ADAM12: variants seen among roughly 807,000 people sequenced by gnomAD.
ADAM12 encodes the protein ADAM metallopeptidase domain 12, also known as disintegrin and metalloproteinase domain-containing protein 12.
A neutral mutation model predicts 106.4 loss-of-function variants in ADAM12; 70 were observed. The observed-to-expected ratio is 0.66, with a 90% CI of 0.54 to 0.80. The LOEUF (loss-of-function observed/expected upper bound fraction) is 0.80. Ranked by LOEUF, ADAM12 falls within the 30% of genes least tolerant of loss-of-function variation. The pLI is 0.00. For synonymous variants in ADAM12, 420 were observed against 433.5 expected (o/e 0.97, Z 0.39); for missense variants, 1,010 against 1,171.9 (o/e 0.86, Z 2.02).
At chr10:126,044,202 A>G (rs1954254020) in intron 17 of ADAM12, among the ~76,000 whole-genome samples, 1 of 152,118 alleles carries the variant, frequency 6.6e-6, no homozygotes, top group Non-Finnish European at 1.5e-5. Context: ...GTGGGAGGCC[A>G]AGGTGGGCAG....
intron 3 of ADAM12, among the ~76,000 whole-genome samples, chr10:126,198,910 A>G (rs1957647262): frequency 6.6e-6 from 1 of 152,196 alleles, no homozygotes; most frequent in African/African-American, 2.4e-5. Flanking sequence ...AGGGGAAGAA[A>G]TGACTTTTCC....
chr10:126,059,541 G>T (rs147281033), intron 14 of ADAM12, among the ~76,000 whole-genome samples: 1 of 152,084 alleles, frequency 6.6e-6, no homozygotes, highest in Non-Finnish European at 1.5e-5. Flanking sequence ...TTTCCCATCT[G>T]TGGCCACAGG....
chr10:126,291,335 G>A (rs1462982659), intron 2 of ADAM12, among the ~76,000 whole-genome samples: 2 of 152,112 alleles, frequency 1.3e-5, no homozygotes, highest in Non-Finnish European at 2.9e-5. Flanking sequence ...AATATACTAA[G>A]CCCTTTAAAG....
intron 1 of ADAM12, among the ~76,000 whole-genome samples, chr10:126,345,004 AT>A (rs768096741): frequency 6.7e-4 from 102 of 152,164 alleles, no homozygotes; most frequent in Middle Eastern, 3.2e-3. Flanking sequence ...TCCTAACTGA[AT>A]ACCCTTTATT....
chr10:126,305,769 C>T (rs1251288624), intron 2 of ADAM12, among the ~76,000 whole-genome samples: 3 of 151,976 alleles, frequency 2.0e-5, no homozygotes, highest in African/African-American at 4.8e-5. Context: ...GAAAATGATA[C>T]TGAGTAGAAT....
intron 21 of ADAM12, among the ~76,000 whole-genome samples, chr10:126,025,488 AAAAAAGAATG>A (rs1270294564): frequency 6.6e-6 from 1 of 152,226 alleles, no homozygotes; most frequent in African/African-American, 2.4e-5. Flanking sequence ...AAGAATAGAG[AAAAAAGAATG>A]AAAAGGAATG....
At chr10:126,076,133 C>T (rs1955095650) in intron 11 of ADAM12, among the ~76,000 whole-genome samples, 1 of 152,138 alleles carries the variant, frequency 6.6e-6, no homozygotes, top group Non-Finnish European at 1.5e-5. Flanking sequence ...TTTACATCTA[C>T]GTGTATTCAA....
intron 3 of ADAM12, among the ~76,000 whole-genome samples, chr10:126,173,798 C>G (rs1049868315): frequency 6.6e-6 from 1 of 152,018 alleles, no homozygotes; most frequent in Non-Finnish European, 1.5e-5. Context: ...GAGAATTTCT[C>G]AGGCCGGTCT....
In ADAM12 at chr10:126,165,952, A is replaced by G. The variant is rs1296754115; in HGVS notation, c.261-10647T>C. 3.3e-5 allele frequency among the ~76,000 whole-genome samples: 5 copies of G among 152,216 alleles called. No homozygotes were observed. The South Asian group carries it at 6.2e-4, about 19-fold the overall frequency. On this transcript the variant is annotated intron_variant, in intron 3 of 22. Coordinates refer to ENST00000448723, the MANE Select transcript of ADAM12 (RefSeq NM_001288973.2). The stretch of plus-strand genomic sequence containing the variant: ...TTTCTTTTGTTATTCTCCATTTACT[A>G]AAAGATTCAAAATGATCAAAACAAC...
At chr10:126,088,463 G>A (rs1955399133) in intron 11 of ADAM12, among the ~76,000 whole-genome samples, 2 of 151,968 alleles carry the variant, frequency 1.3e-5, no homozygotes, top group South Asian at 4.2e-4. Flanking sequence ...CACTACGGGA[G>A]GCTGAGGCAG....
chr10:126,030,560 A>C (rs1463063161), intron 21 of ADAM12, among the ~76,000 whole-genome samples: 1 of 152,136 alleles, frequency 6.6e-6, no homozygotes, highest in Non-Finnish European at 1.5e-5. Context: ...TTTTTATGTA[A>C]TTTTCATGTT....
At chr10:126,363,162 C>A (rs1014687259) in intron 1 of ADAM12, among the ~76,000 whole-genome samples, 1 of 152,008 alleles carries the variant, frequency 6.6e-6, no homozygotes, top group African/African-American at 2.4e-5. Flanking sequence ...ACTAATGAAT[C>A]TGAAAACATG....
intron 5 of ADAM12, among the ~76,000 whole-genome samples, chr10:126,132,524 A>G: frequency 8.3e-6 from 1 of 120,898 alleles, no homozygotes; most frequent in African/African-American, 3.0e-5. Context: ...CTGCATGAAC[A>G]CCCCCCCCCC....
chr10:126,261,528 C>G (rs1453330766), intron 3 of ADAM12, among the ~76,000 whole-genome samples: 7 of 152,150 alleles, frequency 4.6e-5, no homozygotes, highest in African/African-American at 1.7e-4. Flanking sequence ...TCAATTCAGA[C>G]AAGCCTATCC....
chr10:126,207,178 A>C (rs1590620578), intron 3 of ADAM12, among the ~76,000 whole-genome samples: 1 of 152,200 alleles, frequency 6.6e-6, no homozygotes, highest in Non-Finnish European at 1.5e-5. Flanking sequence ...ATAAACTAGA[A>C]GTCACCTCAG....
intron 3 of ADAM12, among the ~76,000 whole-genome samples, chr10:126,165,666 C>T (rs761455267): frequency 1.3e-5 from 2 of 152,172 alleles, no homozygotes; most frequent in African/African-American, 2.4e-5. Context: ...GTGGACACTG[C>T]CTTCCCAGGA....
intron 9 of ADAM12, 146 bp downstream of exon 9, chr10:126,100,926 C>A: frequency 1.3e-6 from 1 of 763,992 alleles, no homozygotes; most frequent in Non-Finnish European, 2.0e-6. Context: ...TGGCATCTGC[C>A]CCCCTGGTGT....
At chr10:126,173,597 A>G (rs1957160197) in intron 3 of ADAM12, among the ~76,000 whole-genome samples, 1 of 152,244 alleles carries the variant, frequency 6.6e-6, no homozygotes, top group African/African-American at 2.4e-5. Context: ...GGAGGGATTA[A>G]TATACTATTT....
intron 2 of ADAM12, among the ~76,000 whole-genome samples, chr10:126,317,431 A>G (rs1853921046): frequency 6.6e-6 from 1 of 152,176 alleles, no homozygotes; most frequent in South Asian, 2.1e-4. Context: ...CTGCTGAGTA[A>G]AAAGTGCATA....
Sources: allele counts gnomAD v4.1 joint callset (sites outside exome capture counted in the v4.1 genomes callset), GRCh38; gene constraint gnomAD v4.1.1; transcripts MANE v1.5; gene names NCBI Gene and HGNC (gene_info 2026-07-23, HGNC 2026-07-21).